Variants in OSBPL8 observed in about 807,000 individuals in gnomAD.
The protein encoded by OSBPL8 is oxysterol-binding protein-related protein 8.
OSBPL8 carries 59 observed loss-of-function variants against 125.5 expected under a neutral mutation model. That is an observed-to-expected ratio of 0.47 (90% CI 0.38 to 0.58). The LOEUF (loss-of-function observed/expected upper bound fraction) is 0.58, where lower values mean the gene tolerates loss of function less well. Ranked by LOEUF, OSBPL8 falls within the 20% of genes least tolerant of loss-of-function variation. The pLI is 0.00. For missense variants in OSBPL8, 758 were observed against 1,047.8 expected, an observed-to-expected ratio of 0.72 and a Z score of 3.82; for synonymous variants, 330 against 338.9, an observed-to-expected ratio of 0.97 and a Z score of 0.29.
intron 6 of OSBPL8, 82 bp downstream of exon 6, chr12:76,402,607 T>C: frequency 1.0e-6 from 1 of 959,534 alleles, no homozygotes. Context: ...AACACACATA[T>C]ATATTTATCC....
chr12:76,413,996 C>T (rs1868341123), intron 4 of OSBPL8, among the ~76,000 whole-genome samples: 1 of 152,082 alleles, frequency 6.6e-6, no homozygotes, highest in Non-Finnish European at 1.5e-5. Flanking sequence ...TAAACTCTTC[C>T]CTAAATCTGC....
intron 2 of OSBPL8, among the ~76,000 whole-genome samples, chr12:76,474,973 C>T (rs547049196): frequency 3.3e-5 from 5 of 152,206 alleles, no homozygotes; most frequent in South Asian, 4.1e-4. Flanking sequence ...AGCTGAGGTA[C>T]GGATAAAAAT....
intron 21 of OSBPL8, among the ~76,000 whole-genome samples, chr12:76,359,748 C>T (rs1231963453): frequency 1.3e-5 from 2 of 152,170 alleles, no homozygotes; most frequent in Non-Finnish European, 2.9e-5. Context: ...GTGGAAACCT[C>T]TGATAAAACC....
chr12:76,374,969 G>C (rs1952756127), intron 17 of OSBPL8, among the ~76,000 whole-genome samples: 1 of 152,094 alleles, frequency 6.6e-6, no homozygotes, highest in Non-Finnish European at 1.5e-5. Flanking sequence ...AATTTACTAA[G>C]AAATTTCTAT....
chr12:76,417,649 G>A (rs566693147), intron 4 of OSBPL8, among the ~76,000 whole-genome samples: 3 of 152,066 alleles, frequency 2.0e-5, no homozygotes, highest in East Asian at 3.9e-4. Context: ...TATGTACACC[G>A]AGTTTTAAAT....
chr12:76,494,816 T>C (rs779734358), intron 1 of OSBPL8, among the ~76,000 whole-genome samples: 1 of 152,296 alleles, frequency 6.6e-6, no homozygotes, highest in African/African-American at 2.4e-5. Flanking sequence ...CGTGTGGGCC[T>C]GTTAAGCAGG....
intron 1 of OSBPL8, among the ~76,000 whole-genome samples, chr12:76,532,701 A>T (rs1323869015): frequency 1.3e-5 from 2 of 151,110 alleles, no homozygotes; most frequent in Admixed American, 1.3e-4. Context: ...ACGCTCTCCT[A>T]GCAAAAGGAG....
chr12:76,358,250 G>T (rs1373695085), intron 22 of OSBPL8, among the ~76,000 whole-genome samples: 1 of 148,414 alleles, frequency 6.7e-6, no homozygotes, highest in African/African-American at 2.5e-5. Flanking sequence ...TGTGATCTCG[G>T]TTCAGTGCAT....
At chr12:76,516,135 C>T (rs1881509809) in intron 1 of OSBPL8, among the ~76,000 whole-genome samples, 1 of 152,086 alleles carries the variant, frequency 6.6e-6, no homozygotes, top group South Asian at 2.1e-4. Flanking sequence ...GGATTGCCAC[C>T]CCAAAATACA....
chr12:76,518,174 T>G (rs1332852836), intron 1 of OSBPL8, among the ~76,000 whole-genome samples: 1 of 152,156 alleles, frequency 6.6e-6, no homozygotes, highest in African/African-American at 2.4e-5. Context: ...ACAAGTAACT[T>G]GATAGATCAA....
chr12:76,520,270 A>G (rs1350575922), intron 1 of OSBPL8, among the ~76,000 whole-genome samples: 1 of 152,184 alleles, frequency 6.6e-6, no homozygotes, highest in Non-Finnish European at 1.5e-5. Context: ...TATGGACTCC[A>G]TTTCTTCTCT....
intron 21 of OSBPL8, among the ~76,000 whole-genome samples, chr12:76,364,045 T>C (rs1952312259): frequency 6.6e-6 from 1 of 152,188 alleles, no homozygotes; most frequent in Non-Finnish European, 1.5e-5. Flanking sequence ...ACTTTTACAC[T>C]GTTGGTGGGA....
intron 3 of OSBPL8, among the ~76,000 whole-genome samples, chr12:76,459,059 T>C (rs1024348278): frequency 2.0e-5 from 3 of 152,192 alleles, no homozygotes; most frequent in Non-Finnish European, 4.4e-5. Flanking sequence ...TTTCCTTCTA[T>C]CTTTGAATAA....
intron 4 of OSBPL8, among the ~76,000 whole-genome samples, chr12:76,447,460 T>C (rs938178765): frequency 3.3e-5 from 5 of 152,156 alleles, no homozygotes; most frequent in African/African-American, 9.6e-5. Flanking sequence ...ATATAGAAGA[T>C]ACAGAAACAA....
Position 76,433,701 on chromosome 12 carries a change from G to A in OSBPL8, c.217+17150C>T, listed in dbSNP as rs575541927. 3.3e-5 allele frequency among the ~76,000 whole-genome samples: 5 copies of A among 152,122 alleles called. No homozygotes were observed. The South Asian group carries it at 6.2e-4, about 19-fold the overall frequency. On this transcript the variant is annotated intron_variant, in intron 4 of 23. Transcript: ENST00000261183. ...AAAAAATTACCAAAAAAGGCTGGGTGTGGTGGCTCACACCTGTAATCCCAG... is the reference window on the plus strand; with the variant it reads ...AAAAAATTACCAAAAAAGGCTGGGTATGGTGGCTCACACCTGTAATCCCAG...
intron 4 of OSBPL8, among the ~76,000 whole-genome samples, chr12:76,446,746 T>C (rs1033796850): frequency 1.3e-5 from 2 of 152,180 alleles, no homozygotes; most frequent in Non-Finnish European, 2.9e-5. Flanking sequence ...TGCTAGGCTT[T>C]ATATACATAT....
rs1016943248 is a variant in OSBPL8 at position 76,533,264 on chromosome 12, G to GA, written c.-68+26132_-68+26133insT. ...TCCTATAACCATATGCAAGAACCAG[G>GA]TTTTTTTTAAGACCAGGTTTTGATA... On this transcript the variant is annotated intron_variant, in intron 1 of 23. Transcript: ENST00000261183. Among the ~76,000 whole-genome samples, 4 of 151,652 alleles carry GA rather than the reference G, an allele frequency of 2.6e-5. No individual in the cohort carries two copies. In the East Asian group the frequency reaches 7.7e-4, roughly 29 times the overall value.
In OSBPL8 at chr12:76,390,583, TTTTC is replaced by T; in HGVS notation, c.1000_1003del (p.Glu334MetfsTer12). On this transcript the variant is annotated frameshift_variant, in exon 11 of 24. Transcript: ENST00000261183. LOFTEE classifies it high-confidence loss of function. The stretch of plus-strand genomic sequence containing the variant: ...ATCAGACTCATCATGTTCTTGATCA[TTTTC>T]TTTATCAGATTTATCAGAATACATA... 3 of 1,613,836 alleles carry T rather than the reference TTTTC, an allele frequency of 1.9e-6. No individual in the cohort carries two copies. Among genetic ancestry groups the T allele is most frequent in the Admixed American group, 1.7e-5 (1 of 60,020 alleles).
intron 21 of OSBPL8, among the ~76,000 whole-genome samples, chr12:76,364,057 G>T (rs7305077): frequency 0.79 from 120,496 of 152,044 alleles, 47,989 homozygotes; most frequent in East Asian, 0.92. Context: ...TTGGTGGGAG[G>T]GTAAATTAGT....
Sources: allele counts gnomAD v4.1 joint callset (sites outside exome capture counted in the v4.1 genomes callset), GRCh38; gene constraint gnomAD v4.1.1; transcripts MANE v1.5; gene names NCBI Gene and HGNC (gene_info 2026-07-23, HGNC 2026-07-21).